The following SLC4A4 variants were observed in gnomAD, a reference collection of about 807,000 sequenced individuals.
The protein encoded by SLC4A4 is solute carrier family 4 member 4.
SLC4A4 carries 27 observed loss-of-function variants against 111.5 expected under a neutral mutation model. That is an observed-to-expected ratio of 0.24 (90% CI 0.18 to 0.33). SLC4A4 has a LOEUF of 0.33. Among genes scored for constraint, SLC4A4 ranks in the 10% least tolerant of loss-of-function variants. The pLI is 1.00. For missense variants in SLC4A4, 909 were observed against 1,315.5 expected (o/e 0.69, Z 4.78); for synonymous variants, 443 against 463.4 (o/e 0.96, Z 0.57).
chr4:71,238,906 G>A (rs1578651974), intron 2 of SLC4A4, among the ~76,000 whole-genome samples: 1 of 152,120 alleles, frequency 6.6e-6, no homozygotes, highest in East Asian at 1.9e-4. Context: ...CACATCCATG[G>A]TTCCAGTGAT....
At chr4:71,517,083 G>C (rs927718421) in intron 16 of SLC4A4, among the ~76,000 whole-genome samples, 1 of 151,984 alleles carries the variant, frequency 6.6e-6, no homozygotes, top group African/African-American at 2.4e-5. Flanking sequence ...GTATTTTTAT[G>C]TTGAATCTGA....
At chr4:71,246,047 T>C (rs769994777) in intron 2 of SLC4A4, among the ~76,000 whole-genome samples, 2 of 152,218 alleles carry the variant, frequency 1.3e-5, no homozygotes, top group African/African-American at 4.8e-5. Flanking sequence ...GTGGGTGTCA[T>C]GGTTAGTTGG....
chr4:71,177,014 G>A (rs1695763026), intron 2 of SLC4A4, among the ~76,000 whole-genome samples: 1 of 152,084 alleles, frequency 6.6e-6, no homozygotes, highest in Admixed American at 6.6e-5. Context: ...AGAGAGTGGG[G>A]GCCAATATTC....
chr4:71,366,163 C>T (rs926645483), intron 6 of SLC4A4, among the ~76,000 whole-genome samples: 11 of 152,142 alleles, frequency 7.2e-5, no homozygotes, highest in Non-Finnish European at 1.5e-4. Flanking sequence ...AATTTCTTGT[C>T]TAAATAGCAG....
chr4:71,139,882 A>G (rs1344085869), intron 2 of SLC4A4, among the ~76,000 whole-genome samples: 2 of 152,202 alleles, frequency 1.3e-5, no homozygotes, highest in Admixed American at 1.3e-4. Context: ...GCTATTTTGA[A>G]ATATGCAATA....
chr4:71,280,661 A>C (rs1338216613), intron 3 of SLC4A4, among the ~76,000 whole-genome samples: 1 of 152,050 alleles, frequency 6.6e-6, no homozygotes, highest in Admixed American at 6.6e-5. Context: ...AGAAGTTTTA[A>C]GTTTTGGTGA....
intron 2 of SLC4A4, among the ~76,000 whole-genome samples, chr4:71,120,461 G>A (rs1482743771): frequency 6.6e-6 from 1 of 152,226 alleles, no homozygotes; most frequent in Non-Finnish European, 1.5e-5. Context: ...GCTGCCAGAT[G>A]CCATCAGGGA....
chr4:71,341,098 T>C (rs757221763), intron 4 of SLC4A4, among the ~76,000 whole-genome samples: 15 of 152,136 alleles, frequency 9.9e-5, no homozygotes, highest in Non-Finnish European at 1.8e-4. Flanking sequence ...AACAAGATAA[T>C]GTTAAGATAA....
At chr4:71,127,580 A>C (rs936687676) in intron 2 of SLC4A4, among the ~76,000 whole-genome samples, 1 of 152,184 alleles carries the variant, frequency 6.6e-6, no homozygotes, top group African/African-American at 2.4e-5. Flanking sequence ...ATTAAATCAT[A>C]TTGCTCTCAT....
chr4:71,168,348 A>G (rs538057327), intron 2 of SLC4A4, among the ~76,000 whole-genome samples: 51 of 151,196 alleles, frequency 3.4e-4, no homozygotes, highest in African/African-American at 1.1e-3. Flanking sequence ...TGCCTGGCTA[A>G]TTTTTTGTAT....
At chr4:71,153,430 T>C (rs1744370046) in intron 2 of SLC4A4, among the ~76,000 whole-genome samples, 1 of 152,138 alleles carries the variant, frequency 6.6e-6, no homozygotes, top group Non-Finnish European at 1.5e-5. Context: ...ACTGGCTTCC[T>C]GGAAGTACTA....
intron 3 of SLC4A4, among the ~76,000 whole-genome samples, chr4:71,311,772 G>T (rs1726186889): frequency 6.6e-6 from 1 of 152,038 alleles, no homozygotes; most frequent in African/African-American, 2.4e-5. Flanking sequence ...ACAATTAAAA[G>T]AACTAGAGAA....
chr4:71,222,875 T>C (rs1306900647), intron 1 of SLC4A4, among the ~76,000 whole-genome samples: 1 of 152,220 alleles, frequency 6.6e-6, no homozygotes, highest in African/African-American at 2.4e-5. Context: ...ACAATTGTGA[T>C]TTCAACTATT....
At chr4:71,276,813 G>A (rs1198261400) in intron 3 of SLC4A4, among the ~76,000 whole-genome samples, 1 of 151,970 alleles carries the variant, frequency 6.6e-6, no homozygotes, top group African/African-American at 2.4e-5. Flanking sequence ...TTTGAGAGGT[G>A]GAGGTAGGTG....
chr4:71,382,946 T>C (rs1211254977), intron 6 of SLC4A4, among the ~76,000 whole-genome samples: 1 of 152,232 alleles, frequency 6.6e-6, no homozygotes, highest in African/African-American at 2.4e-5. Flanking sequence ...TCTCATTCTT[T>C]GCTTTTCTCT....
At chr4:71,063,441 A>G (rs1489272537) in intron 1 of SLC4A4, among the ~76,000 whole-genome samples, 5 of 152,156 alleles carry the variant, frequency 3.3e-5, no homozygotes, top group African/African-American at 4.8e-5. Flanking sequence ...TTGTTAAATT[A>G]TCATTCTCTC....
Position 71,526,951 on chromosome 4 carries a change from A to G in SLC4A4, c.2167-5111A>G, listed in dbSNP as rs142872111. ...ACTGATTCTCCTGCCTCCTTCTTTC[A>G]TTTACAAGAACCCCTGTGATTACAT... is the stretch of plus-strand genomic sequence containing the variant. On this transcript the variant is annotated intron_variant, in intron 16 of 25. Coordinates refer to ENST00000264485, the MANE Select transcript of SLC4A4 (RefSeq NM_001098484.3). Among the ~76,000 whole-genome samples, 424 of 152,116 alleles carry G rather than the reference A, an allele frequency of 2.8e-3. 1 individual carries two copies. The highest frequency in any genetic ancestry group is 9.9e-3 in the African/African-American group (410 of 41,508).
intron 2 of SLC4A4, among the ~76,000 whole-genome samples, chr4:71,180,491 C>A (rs549581046): frequency 2.6e-4 from 40 of 151,944 alleles, no homozygotes; most frequent in African/African-American, 9.2e-4. Flanking sequence ...CATTGAACTC[C>A]AACAAATTTA....
intron 1 of SLC4A4, among the ~76,000 whole-genome samples, chr4:71,089,804 C>T (rs574767006): frequency 1.3e-5 from 2 of 152,044 alleles, no homozygotes; most frequent in Non-Finnish European, 2.9e-5. Flanking sequence ...TCAGTCTGCC[C>T]CTACTGGGGG....
Sources: gnomAD v4.1 joint callset for allele counts (sites outside exome capture counted in the v4.1 genomes callset) on GRCh38, gnomAD v4.1.1 for gene constraint, MANE v1.5 for transcripts, NCBI Gene and HGNC (gene_info 2026-07-23, HGNC 2026-07-21) for gene names.